The following UBE2D3 variants were observed in gnomAD, a reference collection of about 807,000 sequenced individuals.
UBE2D3 encodes the protein ubiquitin-conjugating enzyme E2 D3.
UBE2D3 carries 2 observed loss-of-function variants against 22.8 expected under a neutral mutation model. The observed-to-expected ratio is 0.09, with a 90% confidence interval of 0.04 to 0.28. UBE2D3 has a LOEUF of 0.28. UBE2D3 is among the 10% of genes least tolerant of loss of function. The probability of loss-of-function intolerance (pLI) is 1.00; values close to 1 mark genes in which losing one functional copy is unlikely to be tolerated. For missense variants in UBE2D3, 27 were observed against 182.5 expected (o/e 0.15, Z 4.91); for synonymous variants, 56 against 60.4 (o/e 0.93, Z 0.34).
At chr4:102,804,240 C>G (rs1223828724) in intron 4 of UBE2D3, among the ~76,000 whole-genome samples, 1 of 152,138 alleles carries the variant, frequency 6.6e-6, no homozygotes, top group Non-Finnish European at 1.5e-5. Flanking sequence ...CAGCTCACTG[C>G]AAGCGCCGCC....
chr4:102,850,141 T>C (rs961461744), intron 1 of UBE2D3, among the ~76,000 whole-genome samples: 7 of 152,142 alleles, frequency 4.6e-5, no homozygotes, highest in Non-Finnish European at 8.8e-5. Context: ...TTCAGAAATA[T>C]AATGGTGAAA....
intron 1 of UBE2D3, among the ~76,000 whole-genome samples, chr4:102,868,016 TAG>T (rs908786950): frequency 1.3e-5 from 2 of 151,556 alleles, no homozygotes; most frequent in Non-Finnish European, 2.9e-5. Context: ...CCCCCTGCGC[TAG>T]ACTTCAGCAG....
intron 4 of UBE2D3, among the ~76,000 whole-genome samples, chr4:102,808,876 A>C (rs1285525580): frequency 6.6e-6 from 1 of 152,144 alleles, no homozygotes; most frequent in Non-Finnish European, 1.5e-5. Context: ...TTTCCTTTAG[A>C]ATTCTAAATA....
At chr4:102,825,876 T>G (rs1434069042) in intron 2 of UBE2D3, 2 of 439,136 alleles carry the variant, frequency 4.6e-6, no homozygotes, top group Non-Finnish European at 9.1e-6. Context: ...ATACAGGAAG[T>G]GGCAACACTG....
chr4:102,797,687 A>G (rs1725417686), intron 7 of UBE2D3, among the ~76,000 whole-genome samples: 1 of 152,028 alleles, frequency 6.6e-6, no homozygotes, highest in Non-Finnish European at 1.5e-5. Context: ...CAACTAAGAA[A>G]GCAGCACTGA....
At chr4:102,827,116 C>A (rs1347441879) in intron 1 of UBE2D3, 3 of 986,512 alleles carry the variant, frequency 3.0e-6, no homozygotes, top group African/African-American at 3.5e-5. Flanking sequence ...TCGCAGCGAG[C>A]TATTCTGTGT....
At chr4:102,826,781 C>G in intron 1 of UBE2D3, 145 bp from the exon 2 acceptor site, 2 of 1,263,788 alleles carry the variant, frequency 1.6e-6, no homozygotes, top group Non-Finnish European at 2.0e-6. Flanking sequence ...GCTTTCGGCC[C>G]GAAGTGGGGG....
At chr4:102,865,627 T>A (rs1197132095) in intron 1 of UBE2D3, among the ~76,000 whole-genome samples, 1 of 151,764 alleles carries the variant, frequency 6.6e-6, no homozygotes, top group African/African-American at 2.4e-5. Flanking sequence ...AATAGCACAG[T>A]GGGCAAAGAT....
chr4:102,824,916 T>C (rs1170088166), intron 2 of UBE2D3, among the ~76,000 whole-genome samples: 1 of 152,256 alleles, frequency 6.6e-6, no homozygotes, highest in Non-Finnish European at 1.5e-5. Context: ...TAATTTTTAC[T>C]TTAATCCTTA....
chr4:102,831,435 C>T (rs75811996), upstream of UBE2D3, among the ~76,000 whole-genome samples: 1,337 of 152,144 alleles, frequency 8.8e-3, 13 homozygotes, highest in African/African-American at 0.029. Flanking sequence ...GAGCATTTTT[C>T]CACACAAAAA....
At chr4:102,818,184 C>T (rs1729049864) in intron 2 of UBE2D3, among the ~76,000 whole-genome samples, 1 of 152,200 alleles carries the variant, frequency 6.6e-6, no homozygotes, top group Non-Finnish European at 1.5e-5. Context: ...CAAGGTTCCA[C>T]TCACGTTGAA....
At chr4:102,798,332 C>G (rs2110242188) in intron 7 of UBE2D3, among the ~76,000 whole-genome samples, 1 of 124,888 alleles carries the variant, frequency 8.0e-6, no homozygotes, top group Non-Finnish European at 1.6e-5. Flanking sequence ...TAAATATTAA[C>G]TAGCTTTATT....
chr4:102,855,062 C>T (rs1178979363), intron 1 of UBE2D3, among the ~76,000 whole-genome samples: 1 of 152,184 alleles, frequency 6.6e-6, no homozygotes, highest in Non-Finnish European at 1.5e-5. Flanking sequence ...CCACTCCTTC[C>T]CTGCTGCCAG....
Position 102,826,477 on chromosome 4 carries a change from CG to C in UBE2D3, c.24+7del. ...CTACCACCCCATGCCCTTGTCCCCG[CG>C]GGTTACCTTATTAATCCGTTTCAGC... On this transcript the variant is annotated splice_region_variant and intron_variant, in intron 2 of 7. Transcript: ENST00000453744. The C allele has an allele frequency of 6.2e-7, 1 of 1,613,878 alleles. No individual in the cohort carries two copies. The highest frequency in any genetic ancestry group is 8.5e-7 in the Non-Finnish European group (1 of 1,179,976).
intron 2 of UBE2D3, among the ~76,000 whole-genome samples, chr4:102,818,005 A>G (rs1232681702): frequency 6.6e-6 from 1 of 152,210 alleles, no homozygotes; most frequent in Admixed American, 6.5e-5. Context: ...CTAGAGGAAG[A>G]GGAACAGTGC....
At chr4:102,812,793 T>TA (rs910111578) in intron 2 of UBE2D3, 10 of 152,318 alleles carry the variant, frequency 6.6e-5, no homozygotes, top group African/African-American at 2.4e-4. Context: ...TTTGTCTTAT[T>TA]AAAAAAGAAT....
At chr4:102,801,095 A>G (rs1336992677) in intron 6 of UBE2D3, among the ~76,000 whole-genome samples, 1 of 152,014 alleles carries the variant, frequency 6.6e-6, no homozygotes, top group Non-Finnish European at 1.5e-5. Flanking sequence ...CAAAAGCTCT[A>G]TTAAGTTTAG....
rs141657219 is a variant in UBE2D3, at chr4:102,853,745, C to G, written c.-129+14970G>C. 1.4e-3 allele frequency among the ~76,000 whole-genome samples: 208 copies of G among 152,236 alleles called. No homozygotes were observed. The Middle Eastern group carries it at 0.017, about 12-fold the overall frequency. On this transcript the variant is annotated intron_variant, in intron 1 of 7. Transcript: ENST00000338145. ...CATGGGAGACTGAAACGCAAAACATCTGTCTCTCTCTACACATACAGTATC... is the reference window on the plus strand; with the variant it reads ...CATGGGAGACTGAAACGCAAAACATGTGTCTCTCTCTACACATACAGTATC...
chr4:102,841,428 C>CT (rs1731750027), intron 1 of UBE2D3, among the ~76,000 whole-genome samples: 1 of 152,060 alleles, frequency 6.6e-6, no homozygotes, highest in Non-Finnish European at 1.5e-5. Context: ...CTCAGTTACT[C>CT]TCCTAACCAG....
Sources: allele counts gnomAD v4.1 joint callset (sites outside exome capture counted in the v4.1 genomes callset), GRCh38; gene constraint gnomAD v4.1.1; transcripts MANE v1.5; gene names NCBI Gene and HGNC (gene_info 2026-07-23, HGNC 2026-07-21).